Variants in GPM6A observed in about 807,000 individuals in gnomAD.
The protein encoded by GPM6A is neuronal membrane glycoprotein M6-a.
A neutral mutation model predicts 32.1 loss-of-function variants in GPM6A; 7 were observed. That is an observed-to-expected ratio of 0.22 (90% CI 0.12 to 0.41). The LOEUF (loss-of-function observed/expected upper bound fraction) is 0.41, where lower values mean the gene tolerates loss of function less well. Among genes scored for constraint, GPM6A ranks in the 10% least tolerant of loss-of-function variants. The pLI is 1.00. For synonymous variants in GPM6A, 130 were observed against 123.4 expected, an observed-to-expected ratio of 1.05 and a Z score of -0.35; for missense variants, 235 against 347.2, an observed-to-expected ratio of 0.68 and a Z score of 2.57.
intron 1 of GPM6A, among the ~76,000 whole-genome samples, chr4:175,751,214 A>T (rs895998680): frequency 3.3e-5 from 5 of 152,196 alleles, no homozygotes; most frequent in Admixed American, 6.5e-5. Flanking sequence ...AGCATTTAGT[A>T]TCATAGAGAA....
intron 2 of GPM6A, among the ~76,000 whole-genome samples, chr4:175,674,091 TCTC>T (rs1743231518): frequency 6.6e-6 from 1 of 152,212 alleles, no homozygotes; most frequent in Admixed American, 6.5e-5. Context: ...TTTTCTAACT[TCTC>T]CTCTTCCCTG....
intron 1 of GPM6A, among the ~76,000 whole-genome samples, chr4:175,853,508 T>TC (rs1382409881): frequency 6.6e-6 from 1 of 150,660 alleles, no homozygotes; most frequent in African/African-American, 2.4e-5. Flanking sequence ...CAAGTTCTTT[T>TC]TTTTTTTTTT....
At chr4:175,821,590 G>C (rs1202501560) in intron 1 of GPM6A, among the ~76,000 whole-genome samples, 1 of 151,946 alleles carries the variant, frequency 6.6e-6, no homozygotes, top group East Asian at 1.9e-4. Context: ...ATGAACATGA[G>C]ATCTCTTTCC....
intron 1 of GPM6A, among the ~76,000 whole-genome samples, chr4:175,954,072 T>G (rs1241596504): frequency 6.6e-6 from 1 of 152,222 alleles, no homozygotes; most frequent in Admixed American, 6.5e-5. Context: ...CTTTTCTTCC[T>G]GGCCCGCTCT....
intron 1 of GPM6A, among the ~76,000 whole-genome samples, chr4:175,863,154 C>T (rs1560969604): frequency 1.3e-5 from 2 of 152,056 alleles, no homozygotes; most frequent in African/African-American, 4.8e-5. Context: ...AATGTGTATG[C>T]ATATATTAAA....
intron 1 of GPM6A, among the ~76,000 whole-genome samples, chr4:175,917,772 T>C (rs894796623): frequency 6.6e-6 from 1 of 151,874 alleles, no homozygotes; most frequent in Non-Finnish European, 1.5e-5. Flanking sequence ...TAATACCAAA[T>C]GGCTTAAGAA....
chr4:175,684,690 T>C (rs1743875642), intron 2 of GPM6A, among the ~76,000 whole-genome samples: 1 of 152,208 alleles, frequency 6.6e-6, no homozygotes, highest in Non-Finnish European at 1.5e-5. Context: ...AATTTCTATA[T>C]CTAGATTTAT....
chr4:175,848,748 CAT>C (rs150250134), intron 1 of GPM6A, among the ~76,000 whole-genome samples: 5,407 of 152,172 alleles, frequency 0.036, 150 homozygotes, highest in East Asian at 0.11. Flanking sequence ...ATTCTTGACA[CAT>C]GTTTTTAGTA....
intron 3 of GPM6A, among the ~76,000 whole-genome samples, chr4:175,657,565 AC>A (rs920104324): frequency 3.8e-4 from 58 of 152,296 alleles, no homozygotes; most frequent in African/African-American, 1.4e-3. Context: ...GTTTAAAAAA[AC>A]AATGAGATGA....
chr4:175,967,267 T>A (rs573219829), intron 1 of GPM6A, among the ~76,000 whole-genome samples: 1 of 152,224 alleles, frequency 6.6e-6, no homozygotes, highest in South Asian at 2.1e-4. Context: ...TTCAGCAAAC[T>A]AGGGATCGAG....
At chr4:175,973,759 G>A (rs1029589351) in intron 1 of GPM6A, among the ~76,000 whole-genome samples, 1 of 152,144 alleles carries the variant, frequency 6.6e-6, no homozygotes, top group Non-Finnish European at 1.5e-5. Flanking sequence ...AATAGCAAAT[G>A]TTTTCCAACC....
At position 175,832,463 on chromosome 4, in the gene GPM6A, A is replaced by G. The variant is rs575654523; in HGVS notation, c.-22-20214T>C. Among the ~76,000 whole-genome samples the G allele has an allele frequency of 2.5e-4, 38 of 152,282 alleles. 1 individual carries two copies. Among genetic ancestry groups the G allele is most frequent in the African/African-American group, 7.9e-4 (33 of 41,566 alleles). On this transcript the variant is annotated intron_variant, in intron 1 of 7. Coordinates refer to the GPM6A transcript ENST00000280187. Reference sequence around the variant, plus strand: ...TTTATTTATATTCAAAGTTCCTGATATAGTTTTTATTATGCATCATAAATT... The same window carrying G: ...TTTATTTATATTCAAAGTTCCTGATGTAGTTTTTATTATGCATCATAAATT...
intron 1 of GPM6A, among the ~76,000 whole-genome samples, chr4:175,996,550 T>G (rs573783265): frequency 3.5e-4 from 54 of 152,276 alleles, no homozygotes; most frequent in Admixed American, 9.8e-4. Flanking sequence ...CTTAGAAACT[T>G]CAGACTCAAG....
chr4:175,647,607 G>T (rs1741534099), intron 4 of GPM6A, among the ~76,000 whole-genome samples: 1 of 152,078 alleles, frequency 6.6e-6, no homozygotes, highest in African/African-American at 2.4e-5. Context: ...GCCATTATAG[G>T]CTGAGAGTTC....
intron 1 of GPM6A, among the ~76,000 whole-genome samples, chr4:175,847,551 C>T (rs1736128564): frequency 6.6e-6 from 1 of 152,072 alleles, no homozygotes; most frequent in Non-Finnish European, 1.5e-5. Flanking sequence ...GTCACAGTAT[C>T]AGTGCTTGTG....
At chr4:175,899,751 C>G (rs1344623981) in intron 1 of GPM6A, among the ~76,000 whole-genome samples, 1 of 150,462 alleles carries the variant, frequency 6.6e-6, no homozygotes, top group Non-Finnish European at 1.5e-5. Flanking sequence ...AATCTAAAAC[C>G]TCCGACAATG....
intron 4 of GPM6A, among the ~76,000 whole-genome samples, chr4:175,650,073 G>A (rs1741692376): frequency 1.3e-5 from 2 of 151,954 alleles, no homozygotes; most frequent in South Asian, 2.1e-4. Flanking sequence ...ATATTTACAG[G>A]GGATTTGATT....
chr4:175,733,435 G>A (rs961810142), intron 1 of GPM6A, among the ~76,000 whole-genome samples: 1 of 152,114 alleles, frequency 6.6e-6, no homozygotes, highest in Non-Finnish European at 1.5e-5. Context: ...CCTGGGAGAC[G>A]GAAGTTGCAG....
chr4:175,909,839 A>G (rs1738258013), intron 1 of GPM6A, among the ~76,000 whole-genome samples: 1 of 152,192 alleles, frequency 6.6e-6, no homozygotes, highest in African/African-American at 2.4e-5. Flanking sequence ...AATAATCATA[A>G]GTGTATTTAC....
Sources: allele counts gnomAD v4.1 joint callset (sites outside exome capture counted in the v4.1 genomes callset), GRCh38; gene constraint gnomAD v4.1.1; transcripts MANE v1.5; gene names NCBI Gene and HGNC (gene_info 2026-07-23, HGNC 2026-07-21).